Variants in DAAM1 observed in about 807,000 individuals in gnomAD.
The protein encoded by DAAM1 is dishevelled associated activator of morphogenesis 1, also known as disheveled-associated activator of morphogenesis 1.
In DAAM1, 52 loss-of-function variants were observed where a neutral mutation model predicts 130.0. That is an observed-to-expected ratio of 0.40 (90% CI 0.32 to 0.50). The LOEUF (loss-of-function observed/expected upper bound fraction) is 0.50. Among genes scored for constraint, DAAM1 ranks in the 20% least tolerant of loss-of-function variants. The pLI is 0.61. For synonymous variants in DAAM1, 452 were observed against 444.5 expected (o/e 1.02, Z -0.21); for missense variants, 1,134 against 1,303.8 (o/e 0.87, Z 2.01).
At chr14:59,339,906 G>C (rs139437499) in intron 15 of DAAM1, among the ~76,000 whole-genome samples, 168 bp from the exon 16 acceptor site, 1 of 152,228 alleles carries the variant, frequency 6.6e-6, no homozygotes, top group African/African-American at 2.4e-5. Context: ...CTAGACTGTA[G>C]CCTTTGTTTC....
In DAAM1 at chr14:59,331,480, A is replaced by T; in HGVS notation, c.1832A>T (p.Lys611Ile). ...ATTCCTCAGCCCACAAATGCCCTGA[A>T]ATCCTTCAACTGGTCTAAACTGCCC... ...KSIPQPTNAL[K>I]SFNWSKLPEN... The change falls in exon 14 of 25, where the codon AAA becomes ATA. Residue 611 changes from lysine to isoleucine, a missense_variant. Lys to Ile is a moderately radical substitution (Grantham distance 102). Around this residue, in one of 3 missense-constraint regions of DAAM1, gnomAD observed 644 missense variants for 695.9 expected, o/e 0.93. Coordinates refer to ENST00000360909, the MANE Select transcript of DAAM1 (RefSeq NM_001270520.2). 3 of 1,610,500 alleles carry T rather than the reference A, an allele frequency of 1.9e-6. No individual in the cohort carries two copies. The highest frequency in any genetic ancestry group is 2.5e-6 in the Non-Finnish European group (3 of 1,178,020).
At chr14:59,332,919 C>A (rs1885497441) in intron 15 of DAAM1, among the ~76,000 whole-genome samples, 1 of 152,126 alleles carries the variant, frequency 6.6e-6, no homozygotes, top group Admixed American at 6.5e-5. Flanking sequence ...AGGCCCTTAA[C>A]TCCCAGATGA....
chr14:59,371,104 AAAAAC>A lies in DAAM1; in HGVS notation c.*2250_*2254del, dbSNP rs1404006180. On this transcript the variant is annotated 3_prime_UTR_variant, in exon 25 of 25. Coordinates refer to ENST00000360909, the MANE Select transcript of DAAM1 (RefSeq NM_001270520.2). Reference sequence around the variant, plus strand: ...TGTGCCATTGTTGAAAAGAAAAAAAAAAAACAAAAAAAAAACCTACTTTTTAGATT... The same window carrying A: ...TGTGCCATTGTTGAAAAGAAAAAAAAAAAAAAAAAACCTACTTTTTAGATT... 1.0e-4 allele frequency: 3 copies of A among 29,146 alleles called. No homozygotes were observed. Among genetic ancestry groups the A allele is most frequent in the Non-Finnish European group, 1.9e-4 (3 of 15,440 alleles). 1.8% of individuals were successfully genotyped at this position (29,146 alleles called of 1,614,324 possible). A position where few individuals can be genotyped will look rare whatever the true frequency, so the allele number is the denominator to read the frequency against.
At chr14:59,284,460 A>AT (rs1454025119) in intron 2 of DAAM1, among the ~76,000 whole-genome samples, 3 of 152,130 alleles carry the variant, frequency 2.0e-5, no homozygotes, top group Admixed American at 6.5e-5. Context: ...ACTGTGTTTA[A>AT]TTTACATATT....
At chr14:59,326,129 C>A (rs1885193946) in intron 10 of DAAM1, 52 bp downstream of exon 10, 1 of 1,535,762 alleles carries the variant, frequency 6.5e-7, no homozygotes, top group Non-Finnish European at 9.0e-7. Flanking sequence ...GGACATTGTC[C>A]TAATGGGTTC....
rs149361462 is a variant in DAAM1 at position 59,287,573 on chromosome 14, G to C, written c.184-3644G>C. 9.9e-5 allele frequency among the ~76,000 whole-genome samples: 15 copies of C among 152,232 alleles called. No homozygotes were observed. In the East Asian group the frequency reaches 2.9e-3, roughly 29 times the overall value. On this transcript the variant is annotated intron_variant, in intron 2 of 24. Transcript: ENST00000360909. ...TTTCTAGAACTGATAAACAACTTTA[G>C]TACAGTTACAGGATGCAAAACCAAT...
chr14:59,354,205 T>G (rs557281731), intron 19 of DAAM1, among the ~76,000 whole-genome samples: 2 of 151,880 alleles, frequency 1.3e-5, no homozygotes, highest in Non-Finnish European at 1.5e-5. Flanking sequence ...GGACTACAGG[T>G]GCCTGCCACC....
At chr14:59,306,319 G>A (rs971570541) in intron 3 of DAAM1, among the ~76,000 whole-genome samples, 25 of 152,092 alleles carry the variant, frequency 1.6e-4, no homozygotes, top group African/African-American at 5.3e-4. Flanking sequence ...CCAACACCCA[G>A]AATAGTGCTT....
chr14:59,280,589 A>G (rs1192771713), intron 2 of DAAM1, among the ~76,000 whole-genome samples: 2 of 111,248 alleles, frequency 1.8e-5, no homozygotes, highest in Non-Finnish European at 3.3e-5. Context: ...GCTTTTAAGT[A>G]CTGATGCAAA....
At chr14:59,366,214 C>T (rs1405678370) in intron 23 of DAAM1, among the ~76,000 whole-genome samples, 1 of 151,234 alleles carries the variant, frequency 6.6e-6, no homozygotes, top group African/African-American at 2.5e-5. Flanking sequence ...ATTGCAATAC[C>T]CCATATCTTT....
At chr14:59,276,096 G>C (rs191006557) in intron 2 of DAAM1, among the ~76,000 whole-genome samples, 46 of 152,214 alleles carry the variant, frequency 3.0e-4, no homozygotes, top group African/African-American at 1.1e-3. Flanking sequence ...ATCTTACCTA[G>C]CTTTCAGATT....
chr14:59,327,163 A>C (rs539773754), intron 12 of DAAM1, among the ~76,000 whole-genome samples, 172 bp downstream of exon 12: 39 of 152,250 alleles, frequency 2.6e-4, no homozygotes, highest in Non-Finnish European at 5.3e-4. Flanking sequence ...GAGCTATTTT[A>C]GTTGTCATAC....
intron 1 of DAAM1, 21 bp from the exon 2 acceptor site, chr14:59,263,420 T>C (rs1882270920): frequency 1.3e-6 from 2 of 1,599,382 alleles, no homozygotes; most frequent in Admixed American, 1.7e-5. Context: ...CTCTTAACCA[T>C]GTCATATCCT....
rs144444617 is a variant in DAAM1 at position 59,229,226 on chromosome 14, T to C, written c.-37-34215T>C. Among the ~76,000 whole-genome samples, 34 of 152,314 alleles carry C rather than the reference T, an allele frequency of 2.2e-4. No individual in the cohort carries two copies. In the East Asian group the frequency reaches 4.6e-3, roughly 21 times the overall value. On this transcript the variant is annotated intron_variant, in intron 1 of 24. Transcript: ENST00000360909. ...CACTTTTCATTGAGCGAATGATGCATTTTGTAGTGTGTTTTTCATTATGGT... is the reference window on the plus strand; with the variant it reads ...CACTTTTCATTGAGCGAATGATGCACTTTGTAGTGTGTTTTTCATTATGGT...
intron 2 of DAAM1, among the ~76,000 whole-genome samples, chr14:59,271,979 A>G (rs145457969): frequency 2.0e-3 from 308 of 152,316 alleles, no homozygotes; most frequent in African/African-American, 7.2e-3. Flanking sequence ...GGAAAAAAAA[A>G]CTGGTTGTAA....
chr14:59,367,282 T>C (rs1886955857), intron 23 of DAAM1, 147 bp from the exon 24 acceptor site: 2 of 1,353,432 alleles, frequency 1.5e-6, no homozygotes, highest in Non-Finnish European at 1.9e-6. Context: ...CGAAACTCCA[T>C]CTCCAAAAGA....
chr14:59,272,694 A>G (rs760911115), intron 2 of DAAM1, among the ~76,000 whole-genome samples: 1 of 151,596 alleles, frequency 6.6e-6, no homozygotes, highest in Non-Finnish European at 1.5e-5. Flanking sequence ...AGGGGGAGAG[A>G]TCTTCCTTTG....
chr14:59,328,612 C>T (rs1800455138), intron 12 of DAAM1, among the ~76,000 whole-genome samples: 1 of 152,182 alleles, frequency 6.6e-6, no homozygotes, highest in Non-Finnish European at 1.5e-5. Context: ...CTCTCTTCTC[C>T]CCCAGTCTCG....
chr14:59,311,892 T>A (rs1308781995), intron 3 of DAAM1, among the ~76,000 whole-genome samples: 1 of 152,026 alleles, frequency 6.6e-6, no homozygotes, highest in African/African-American at 2.4e-5. Context: ...AGAGATGGGG[T>A]CTTGCTATGT....
Sources: allele counts gnomAD v4.1 joint callset (sites outside exome capture counted in the v4.1 genomes callset), GRCh38; gene constraint gnomAD v4.1.1; regional missense constraint gnomAD v4.1.1; transcripts MANE v1.5; gene names NCBI Gene and HGNC (gene_info 2026-07-23, HGNC 2026-07-21).